The following LDLRAD4 variants were observed in gnomAD, a reference collection of about 807,000 sequenced individuals.
LDLRAD4 encodes the protein low density lipoprotein receptor class A domain containing 4.
A neutral mutation model predicts 17.0 loss-of-function variants in LDLRAD4; 5 were observed. The ratio of observed to expected loss-of-function variants is 0.29; its 90% CI spans 0.15 to 0.62. The LOEUF (loss-of-function observed/expected upper bound fraction) is 0.62, where lower values mean the gene tolerates loss of function less well. LDLRAD4 is among the 20% of genes least tolerant of loss of function. LDLRAD4 has a pLI of 0.84. For synonymous variants in LDLRAD4, 168 were observed against 171.8 expected (o/e 0.98, Z 0.17); for missense variants, 340 against 424.7 (o/e 0.80, Z 1.75).
chr18:13,339,031 G>C (rs1270725539), intron 1 of LDLRAD4, among the ~76,000 whole-genome samples: 4 of 152,098 alleles, frequency 2.6e-5, no homozygotes, highest in African/African-American at 9.7e-5. Flanking sequence ...GAGCAAAGTG[G>C]CCACATATTT....
intron 3 of LDLRAD4, among the ~76,000 whole-genome samples, chr18:13,480,869 C>T (rs1390588563): frequency 6.6e-6 from 1 of 152,250 alleles, no homozygotes; most frequent in African/African-American, 2.4e-5. Context: ...CACAGACACC[C>T]ATGACTCCCA....
chr18:13,346,071 C>CT (rs1358507938), intron 1 of LDLRAD4, among the ~76,000 whole-genome samples: 1 of 152,142 alleles, frequency 6.6e-6, no homozygotes, highest in Non-Finnish European at 1.5e-5. Context: ...TTTTGTGTCT[C>CT]TATTTCCTTC....
intron 1 of LDLRAD4, among the ~76,000 whole-genome samples, chr18:13,328,502 C>A (rs1364116810): frequency 6.6e-6 from 1 of 152,224 alleles, no homozygotes; most frequent in African/African-American, 2.4e-5. Flanking sequence ...AGAAGAGCCA[C>A]CTGCAGGCTG....
At chr18:13,536,297 G>T (rs547914040) in intron 3 of LDLRAD4, among the ~76,000 whole-genome samples, 23 of 152,158 alleles carry the variant, frequency 1.5e-4, no homozygotes, top group African/African-American at 5.1e-4. Flanking sequence ...CATACACTAA[G>T]GTCTTTGATT....
rs921238977 is a variant in LDLRAD4, at chr18:13,510,086, G to A, written c.181+71702G>A. Among the ~76,000 whole-genome samples the A allele has an allele frequency of 5.3e-5, 8 of 152,120 alleles. No individual in the cohort carries two copies. In the South Asian group the frequency reaches 1.0e-3, roughly 20 times the overall value. ...GTTGCAATATTCACTTTATTTTGGC[G>A]GCCTGGAACTGAATCTGCAGCATCT... On this transcript the variant is annotated intron_variant, in intron 3 of 5. Transcript: ENST00000359446.
chr18:13,355,296 G>T (rs2083273288), intron 1 of LDLRAD4, among the ~76,000 whole-genome samples: 1 of 152,208 alleles, frequency 6.6e-6, no homozygotes, highest in South Asian at 2.1e-4. Flanking sequence ...TGTATGTGGG[G>T]AAGTAGGAAG....
intron 3 of LDLRAD4, among the ~76,000 whole-genome samples, chr18:13,500,403 G>T (rs977968565): frequency 5.9e-5 from 9 of 152,228 alleles, no homozygotes; most frequent in Non-Finnish European, 1.3e-4. Context: ...GCTTTTTCAT[G>T]TTGTCCACAC....
intron 3 of LDLRAD4, among the ~76,000 whole-genome samples, chr18:13,594,330 T>G (rs1162026957): frequency 2.0e-5 from 3 of 152,148 alleles, no homozygotes; most frequent in Non-Finnish European, 4.4e-5. Flanking sequence ...CTTGTTCTTA[T>G]GTCAGGCAAT....
chr18:13,317,515 C>A (rs1380252024), intron 1 of LDLRAD4, among the ~76,000 whole-genome samples: 1 of 152,142 alleles, frequency 6.6e-6, no homozygotes, highest in Non-Finnish European at 1.5e-5. Context: ...ATTGGTTATC[C>A]TTTATCTTTT....
In LDLRAD4 at chr18:13,636,587, C is replaced by T. The variant is rs560102674; in HGVS notation, c.337-6772C>T. ...CTCTGCTCACTACAACCTCGGCCTCCCAGGTTCAAACAATTCTCCTGCCTC... is the reference window on the plus strand; with the variant it reads ...CTCTGCTCACTACAACCTCGGCCTCTCAGGTTCAAACAATTCTCCTGCCTC... On this transcript the variant is annotated intron_variant, in intron 4 of 5. Coordinates refer to ENST00000359446, the Ensembl canonical transcript of LDLRAD4. 2.9e-5 allele frequency among the ~76,000 whole-genome samples: 4 copies of T among 139,698 alleles called. No individual in the cohort carries two copies. In the South Asian group the frequency reaches 9.8e-4, roughly 34 times the overall value. The allele number at this position is 139,698 out of a possible 152,430, so 91.6% of individuals were successfully genotyped here. A position where few individuals can be genotyped will look rare whatever the true frequency, so the allele number is the denominator to read the frequency against.
intron 1 of LDLRAD4, among the ~76,000 whole-genome samples, chr18:13,316,200 T>C (rs575744571): frequency 6.6e-6 from 1 of 152,210 alleles, no homozygotes; most frequent in Non-Finnish European, 1.5e-5. Context: ...ACTGCAAAAC[T>C]AGAACACAAG....
chr18:13,637,268 A>T (rs1699569809), intron 4 of LDLRAD4, among the ~76,000 whole-genome samples: 2 of 152,030 alleles, frequency 1.3e-5, no homozygotes, highest in Admixed American at 1.3e-4. Context: ...ATGCTGGGCT[A>T]ATGTTTTAAT....
intron 1 of LDLRAD4, among the ~76,000 whole-genome samples, chr18:13,337,230 A>C (rs1331933689): frequency 6.6e-6 from 1 of 152,192 alleles, no homozygotes; most frequent in Non-Finnish European, 1.5e-5. Flanking sequence ...GCGCACTCAT[A>C]CTTGCAATCA....
intron 1 of LDLRAD4, among the ~76,000 whole-genome samples, chr18:13,309,699 A>G (rs1212939771): frequency 6.6e-6 from 1 of 152,134 alleles, no homozygotes; most frequent in Non-Finnish European, 1.5e-5. Context: ...TTTGTGGAGT[A>G]TTTCCTGTGG....
intron 2 of LDLRAD4, among the ~76,000 whole-genome samples, chr18:13,428,597 A>G (rs2145985206): frequency 6.6e-6 from 1 of 152,302 alleles, no homozygotes; most frequent in East Asian, 1.9e-4. Flanking sequence ...TGGTGGAAGG[A>G]CAGGGGAGGA....
intron 1 of LDLRAD4, among the ~76,000 whole-genome samples, chr18:13,226,758 T>TAAAATAAA (rs1567908188): frequency 6.6e-6 from 1 of 151,844 alleles, no homozygotes; most frequent in East Asian, 1.9e-4. Flanking sequence ...TAAAATAAAA[T>TAAAATAAA]AGAATTAAAT....
rs75987883 is a variant in LDLRAD4, at chr18:13,579,683, T to G, written c.182-41434T>G. 4.4e-3 allele frequency among the ~76,000 whole-genome samples: 666 copies of G among 152,324 alleles called. 2 individuals are homozygous for G. The highest frequency in any genetic ancestry group is 0.015 in the African/African-American group (632 of 41,568). ...CTTCCCAGGCAAAGTCACCAAAGAT[T>G]CTATGTAAATAGCATTGAAATGCCA... On this transcript the variant is annotated intron_variant, in intron 3 of 5. Coordinates refer to ENST00000359446, the Ensembl canonical transcript of LDLRAD4.
chr18:13,280,933 T>C (rs1384021834), intron 1 of LDLRAD4, among the ~76,000 whole-genome samples: 1 of 152,214 alleles, frequency 6.6e-6, no homozygotes, highest in African/African-American at 2.4e-5. Flanking sequence ...TTGCTCAATT[T>C]AAACTTTTTA....
chr18:13,226,441 T>TA lies in LDLRAD4; in HGVS notation c.-467+7454dup, dbSNP rs1461579766. On this transcript the variant is annotated intron_variant, in intron 1 of 5. Transcript: ENST00000399848. ...GGCTTTCAGAATGGGAGAGGCAACT[T>TA]AGATTCCCACAGAGAAGAGGGTGAC... 5.3e-5 allele frequency among the ~76,000 whole-genome samples: 8 copies of TA among 152,086 alleles called. No homozygotes were observed. The South Asian group carries it at 1.5e-3, about 28-fold the overall frequency.
Sources: gnomAD v4.1 joint callset for allele counts (sites outside exome capture counted in the v4.1 genomes callset) on GRCh38, gnomAD v4.1.1 for gene constraint, MANE v1.5 for transcripts, NCBI Gene and HGNC (gene_info 2026-07-23, HGNC 2026-07-21) for gene names.